The following ADAM11 variants were observed in gnomAD, a reference collection of about 807,000 sequenced individuals.
ADAM11 encodes the protein disintegrin and metalloproteinase domain-containing protein 11.
Under a neutral mutation model 119.1 loss-of-function variants are expected in ADAM11, and 49 were observed. The observed-to-expected ratio is 0.41, with a 90% CI of 0.33 to 0.52. The LOEUF is 0.52. Ranked by LOEUF, ADAM11 falls within the 20% of genes least tolerant of loss-of-function variation. The pLI is 0.20. For missense variants in ADAM11, 777 were observed against 1,047.5 expected, an observed-to-expected ratio of 0.74 and a Z score of 3.56; for synonymous variants, 364 against 408.0, an observed-to-expected ratio of 0.89 and a Z score of 1.30.
At chr17:44,764,935 G>T (rs1462457091) in intron 2 of ADAM11, among the ~76,000 whole-genome samples, 1 of 151,958 alleles carries the variant, frequency 6.6e-6, no homozygotes, top group Non-Finnish European at 1.5e-5. Context: ...TGTCAGGCTC[G>T]GGGTGGGGTC....
In ADAM11 at chr17:44,779,841, C is replaced by T. The variant is rs761261328; in HGVS notation, c.*87C>T. 4.5e-6 allele frequency: 7 copies of T among 1,539,586 alleles called. No homozygotes were observed. The highest frequency in any genetic ancestry group is 1.4e-5 in the African/African-American group (1 of 73,396). The stretch of plus-strand genomic sequence containing the variant: ...CCCCATCCAGCCACGGAGGGAGGCA[C>T]CATGCAAATGTCTTCCAGGTCCAAA... On this transcript the variant is annotated 3_prime_UTR_variant, in exon 27 of 27. Transcript: ENST00000200557.
chr17:44,769,699 C>CGGGGCGG lies in ADAM11; in HGVS notation c.238-19_238-18insGGGGCGG. On this transcript the variant is annotated intron_variant, in intron 2 of 26. Coordinates refer to ENST00000200557, the MANE Select transcript of ADAM11 (RefSeq NM_002390.6). ...AGGCCTCCCTGGGTTGACTCCCCCT[C>CGGGGCGG]TGCCCTCCCCCCACCCAGCCTGTCC... 6.4e-7 allele frequency: 1 copy of CGGGGCGG among 1,574,636 alleles called. No homozygotes were observed. Among genetic ancestry groups the CGGGGCGG allele is most frequent in the Non-Finnish European group, 8.7e-7 (1 of 1,145,166 alleles).
In ADAM11 at chr17:44,776,732, CCT is replaced by C. The variant is rs1198350088; in HGVS notation, c.1567-7_1567-6del. Reference sequence around the variant, plus strand: ...TGGGACTGCTCCGCTCAACCCCACCCCTCTCTCCACAGTGCCCGCCTAACCTG... The same window carrying C: ...TGGGACTGCTCCGCTCAACCCCACCCCTCTCCACAGTGCCCGCCTAACCTG... On this transcript the variant is annotated splice_polypyrimidine_tract_variant and intron_variant, in intron 18 of 26. Transcript: ENST00000200557. The surrounding 1 kb of genome is among the most constrained non-coding windows in gnomAD (Gnocchi z 5.2). The C allele has an allele frequency of 1.2e-6, 2 of 1,613,900 alleles. No individual in the cohort carries two copies. Among genetic ancestry groups the C allele is most frequent in the East Asian group, 2.2e-5 (1 of 44,894 alleles).
intron 25 of ADAM11, among the ~76,000 whole-genome samples, 169 bp downstream of exon 25, chr17:44,778,411 G>A (rs1447722179): frequency 6.6e-6 from 1 of 152,162 alleles, no homozygotes; most frequent in Non-Finnish European, 1.5e-5. Flanking sequence ...GAGATTTTAG[G>A]CTAGATGAGG....
chr17:44,772,527 C>T lies in ADAM11; in HGVS notation c.678+61C>T. 3 of 1,532,658 alleles carry T rather than the reference C, an allele frequency of 2.0e-6. No individual in the cohort carries two copies. Among genetic ancestry groups the T allele is most frequent in the South Asian group, 1.2e-5 (1 of 83,112 alleles). The allele number at this position is 1,532,658 out of a possible 1,614,324, so 94.9% of individuals were successfully genotyped here. On this transcript the variant is annotated intron_variant, in intron 8 of 26. Transcript: ENST00000200557. This position sits in a 1 kb window ranked among gnomAD's most constrained non-coding sequence, Gnocchi z 4.5. ...CCTCGGGCTGCAGAGAGACCTCAGG[C>T]CGTGGCCCAGAGCAGGAGGGCACCC...
chr17:44,759,244 G>A lies in ADAM11; in HGVS notation c.45G>A (p.Ser15=), dbSNP rs1442335993. The A allele has an allele frequency of 7.0e-6, 10 of 1,434,096 alleles. No individual in the cohort carries two copies. The highest frequency in any genetic ancestry group is 9.1e-6 in the Non-Finnish European group (10 of 1,094,282). The allele number at this position is 1,434,096 out of a possible 1,614,324, so 88.8% of individuals were successfully genotyped here. ...RRWAFAALLL[S]LLPTPGLGTQ... ...GGGCGTTCGCGGCTCTGCTGCTGTC[G>A]CTGCTCCCCACGCCCGGTGAGTGAC... Residue 15 remains serine (S), a synonymous_variant, in exon 1 of 27, where the codon TCG becomes TCA. Transcript: ENST00000200557.
chr17:44,775,148 C>A lies in ADAM11; in HGVS notation c.1221-64C>A. The stretch of plus-strand genomic sequence containing the variant: ...TCCCCCAGTGTACCCCCTCCCCAGC[C>A]TTGAGAGGGGTGAGGGTGGGTTGGA... On this transcript the variant is annotated intron_variant, in intron 14 of 26. Transcript: ENST00000200557. The surrounding 1 kb of genome is among the most constrained non-coding windows in gnomAD (Gnocchi z 7.5). 7.1e-7 allele frequency: 1 copy of A among 1,400,306 alleles called. No homozygotes were observed. The highest frequency in any genetic ancestry group is 1.0e-6 in the Non-Finnish European group (1 of 992,496). 86.7% of individuals were successfully genotyped at this position (1,400,306 alleles called of 1,614,324 possible).
chr17:44,768,653 C>T (rs1210404893), intron 2 of ADAM11, among the ~76,000 whole-genome samples: 2 of 152,178 alleles, frequency 1.3e-5, no homozygotes, highest in Admixed American at 6.5e-5. Flanking sequence ...ACAAGAAGTG[C>T]TCGGTAAAGA....
At chr17:44,779,320 G>T in intron 26 of ADAM11, 81 bp downstream of exon 26, 1 of 1,503,108 alleles carries the variant, frequency 6.7e-7, no homozygotes, top group South Asian at 1.3e-5. Context: ...CATCTCATTC[G>T]TCACCCCGCG....
At chr17:44,760,736 G>C (rs2049379385) in intron 2 of ADAM11, among the ~76,000 whole-genome samples, 1 of 152,092 alleles carries the variant, frequency 6.6e-6, no homozygotes, top group Non-Finnish European at 1.5e-5. Flanking sequence ...GGGAAGTTTT[G>C]GCAGCGGGGA....
Position 44,769,675 on chromosome 17 carries a change from G to T in ADAM11, c.238-43G>T, listed in dbSNP as rs1346486768. On this transcript the variant is annotated intron_variant, in intron 2 of 26. Transcript: ENST00000200557. ...GGGATCCCCCCGACTCCCACCTTCA[G>T]GCCTCCCTGGGTTGACTCCCCCTCT... 2.1e-6 allele frequency: 3 copies of T among 1,460,362 alleles called. No individual in the cohort carries two copies. In the Admixed American group the frequency reaches 5.1e-5, roughly 25 times the overall value. The allele number at this position is 1,460,362 out of a possible 1,614,324, so 90.5% of individuals were successfully genotyped here.
At position 44,775,246 on chromosome 17, in the gene ADAM11, A is replaced by G; in HGVS notation, c.1255A>G (p.Ile419Val). The change falls in exon 15 of 27, where the codon ATC becomes GTC. Residue 419 changes from isoleucine (I) to valine (V), a missense_variant. By Grantham distance (29) the Ile-to-Val change is conservative (BLOSUM62 3). Around this residue, in one of 4 missense-constraint regions of ADAM11, gnomAD observed 348 missense variants for 486.7 expected, o/e 0.72. Coordinates refer to ENST00000200557, the MANE Select transcript of ADAM11 (RefSeq NM_002390.6). This position sits in a 1 kb window ranked among gnomAD's most constrained non-coding sequence, Gnocchi z 7.5. ...GCCCCGCAAGTTCTCGCGCTGTAGC[A>G]TCGACGAGTACAACCAGTTTCTGCA... is the stretch of plus-strand genomic sequence containing the variant. ...YLPRKFSRCS[I>V]DEYNQFLQEG... The G allele has an allele frequency of 6.2e-7, 1 of 1,613,890 alleles. No homozygotes were observed. Among genetic ancestry groups the G allele is most frequent in the Non-Finnish European group, 8.5e-7 (1 of 1,179,994 alleles).
At chr17:44,769,873 C>A in intron 3 of ADAM11, 79 bp downstream of exon 3, 1 of 1,547,798 alleles carries the variant, frequency 6.5e-7, no homozygotes, top group Non-Finnish European at 8.9e-7. Context: ...TGCTGGGGGT[C>A]TGGGGGTTGG....
Position 44,772,402 on chromosome 17 carries a change from G to T in ADAM11, c.614G>T (p.Cys205Phe), listed in dbSNP as rs747765204. 1.9e-6 allele frequency: 3 copies of T among 1,579,626 alleles called. No individual in the cohort carries two copies. The highest frequency in any genetic ancestry group is 2.6e-6 in the Non-Finnish European group (3 of 1,161,856). ...PDPLGCREPG[C>F]LFAVPAQSAP... ...CCTCACCTGCCCCTCCCCACAGGCT[G>T]CCTGTTTGCTGTGCCTGCCCAGTCG... The change falls in exon 8 of 27, where the codon TGC (cysteine) becomes TTC (phenylalanine). Residue 205 changes from cysteine to phenylalanine, a missense_variant. Cys to Phe is a radical substitution (Grantham distance 205, BLOSUM62 -2). This residue lies in a region of ADAM11 where 278 missense variants were observed against 310.1 expected (regional missense o/e 0.90). Coordinates refer to ENST00000200557, the MANE Select transcript of ADAM11 (RefSeq NM_002390.6). The surrounding 1 kb of genome is among the most constrained non-coding windows in gnomAD (Gnocchi z 4.5).
At chr17:44,778,688 C>CAAA (rs566515861) in intron 25 of ADAM11, among the ~76,000 whole-genome samples, 23 of 52,348 alleles carry the variant, frequency 4.4e-4, no homozygotes, top group African/African-American at 8.1e-4. Context: ...AAGACTGCGT[C>CAAA]AAAAAAAAAA....
chr17:44,777,234 A>C lies in ADAM11; in HGVS notation c.1750A>C (p.Lys584Gln), dbSNP rs1216912040. The C allele has an allele frequency of 6.2e-7, 1 of 1,608,520 alleles. No individual in the cohort carries two copies. The highest frequency in any genetic ancestry group is 1.7e-5 in the Admixed American group (1 of 59,912). Residue 584 changes from lysine to glutamine, a missense_variant, in exon 21 of 27, where the codon AAG (lysine) becomes CAG (glutamine). Coordinates refer to ENST00000200557, the MANE Select transcript of ADAM11 (RefSeq NM_002390.6). This position sits in a 1 kb window ranked among gnomAD's most constrained non-coding sequence, Gnocchi z 5.1. ...EGTERGSCGR[K>Q]GSGWVQCSKQ... is the part of the protein sequence containing the mutation. ...GACGGAGCGTGGGAGCTGTGGGCGCAAGGGATCTGGCTGGGTCCAGTGCAG... is the reference window on the plus strand; with the variant it reads ...GACGGAGCGTGGGAGCTGTGGGCGCCAGGGATCTGGCTGGGTCCAGTGCAG...
intron 4 of ADAM11, among the ~76,000 whole-genome samples, chr17:44,770,842 C>T (rs1301444632): frequency 6.6e-6 from 1 of 152,216 alleles, no homozygotes; most frequent in Non-Finnish European, 1.5e-5. Context: ...AGAACCCTTG[C>T]TGTACGCTGG....
chr17:44,765,610 CTTTTTTTTTTTTT>C (rs748123040), intron 2 of ADAM11, among the ~76,000 whole-genome samples: 3 of 99,870 alleles, frequency 3.0e-5, no homozygotes, highest in Non-Finnish European at 5.4e-5. Flanking sequence ...TTTCTTTTCT[CTTTTTTTTTTTTT>C]TTTTTTTTTT....
Position 44,772,444 on chromosome 17 carries a change from C to T in ADAM11, c.656C>T (p.Pro219Leu), listed in dbSNP as rs755805001. The stretch of plus-strand genomic sequence containing the variant: ...GCCCAGTCGGCTCCTCCAAACCGGC[C>T]GAGGCTGAGAAGGAAAAGGCAGGTA... ...VPAQSAPPNR[P>L]RLRRKRQVRR... is the part of the protein sequence containing the mutation. The change falls in exon 8 of 27, where the codon CCG becomes CTG. Residue 219 changes from proline to leucine, a missense_variant. Pro to Leu is a moderately conservative substitution (Grantham distance 98). Around this residue, in one of 4 missense-constraint regions of ADAM11, gnomAD observed 278 missense variants for 310.1 expected, o/e 0.90. Coordinates refer to ENST00000200557, the MANE Select transcript of ADAM11 (RefSeq NM_002390.6). This position sits in a 1 kb window ranked among gnomAD's most constrained non-coding sequence, Gnocchi z 4.5. 12 of 1,575,140 alleles carry T rather than the reference C, an allele frequency of 7.6e-6. No individual in the cohort carries two copies. The highest frequency in any genetic ancestry group is 4.7e-5 in the East Asian group (2 of 42,964).
Sources: gnomAD v4.1 joint callset for allele counts (sites outside exome capture counted in the v4.1 genomes callset) on GRCh38, gnomAD v4.1.1 for gene constraint, gnomAD v4.1.1 regional missense constraint, Gnocchi (gnomAD v3.1) non-coding constraint, MANE v1.5 for transcripts, NCBI Gene and HGNC (gene_info 2026-07-23, HGNC 2026-07-21) for gene names.